NRXN3: variants seen among roughly 807,000 people sequenced by gnomAD.
The protein encoded by NRXN3 is neurexin III.
A neutral mutation model predicts 137.6 loss-of-function variants in NRXN3; 32 were observed. The observed-to-expected ratio is 0.23, with a 90% CI of 0.18 to 0.31. NRXN3 has a LOEUF of 0.31. Ranked by LOEUF, NRXN3 falls within the 10% of genes least tolerant of loss-of-function variation. The pLI is 1.00. For missense variants in NRXN3, 1,574 were observed against 2,062.5 expected, an observed-to-expected ratio of 0.76 and a Z score of 4.59; for synonymous variants, 798 against 784.5, an observed-to-expected ratio of 1.02 and a Z score of -0.29.
At chr14:79,205,732 C>A (rs948358626) in intron 15 of NRXN3, among the ~76,000 whole-genome samples, 13 of 152,142 alleles carry the variant, frequency 8.5e-5, no homozygotes, top group African/African-American at 2.9e-4. Flanking sequence ...TCCAGCAACA[C>A]CACCTCCTGG....
intron 16 of NRXN3, among the ~76,000 whole-genome samples, chr14:79,632,025 G>T (rs2098356891): frequency 6.6e-6 from 1 of 152,172 alleles, no homozygotes; most frequent in Admixed American, 6.5e-5. Flanking sequence ...TGAGCCAGCA[G>T]CGGCATCCTG....
At chr14:78,749,160 C>T (rs1251511579) in intron 8 of NRXN3, among the ~76,000 whole-genome samples, 3 of 152,172 alleles carry the variant, frequency 2.0e-5, no homozygotes, top group African/African-American at 2.4e-5. Flanking sequence ...ATGGGCTGAG[C>T]AGTGACTTCT....
Position 79,732,619 on chromosome 14 carries a change from T to TTAA in NRXN3, c.4014+34683_4014+34684insAAT, listed in dbSNP as rs1340270169. ...TTGCCTAGATTAAAAACTGGGTCTT[T>TTAA]TGTGAGGTTTCATTCATTATGGCCC... On this transcript the variant is annotated intron_variant, in intron 19 of 20. Transcript: ENST00000335750. Among the ~76,000 whole-genome samples the TTAA allele has an allele frequency of 5.2e-4, 79 of 152,348 alleles. No homozygotes were observed. The Middle Eastern group carries it at 0.014, about 26-fold the overall frequency.
intron 8 of NRXN3, among the ~76,000 whole-genome samples, chr14:78,783,019 T>C (rs2098775497): frequency 6.6e-6 from 1 of 152,180 alleles, no homozygotes; most frequent in Non-Finnish European, 1.5e-5. Context: ...GCAAGATCAC[T>C]GATGGATGCT....
At chr14:79,185,642 T>C (rs2063449645) in intron 15 of NRXN3, among the ~76,000 whole-genome samples, 1 of 151,976 alleles carries the variant, frequency 6.6e-6, no homozygotes. Context: ...ATTTTTTGTA[T>C]TTTTAGTAGA....
chr14:79,206,300 A>G (rs1427779219), intron 15 of NRXN3, among the ~76,000 whole-genome samples: 1 of 152,192 alleles, frequency 6.6e-6, no homozygotes, highest in Non-Finnish European at 1.5e-5. Flanking sequence ...GGAGGCAGGT[A>G]ATATTATATC....
chr14:79,194,717 C>A (rs1313856233), intron 15 of NRXN3, among the ~76,000 whole-genome samples: 3 of 152,166 alleles, frequency 2.0e-5, no homozygotes, highest in African/African-American at 7.2e-5. Context: ...ACACAAGAGA[C>A]AAATGAAATG....
intron 16 of NRXN3, among the ~76,000 whole-genome samples, chr14:79,616,684 G>C (rs2098160086): frequency 6.6e-6 from 1 of 152,110 alleles, no homozygotes. Context: ...AAAATAGAAT[G>C]AGTTAAGAGA....
chr14:79,517,932 G>T (rs2153698652), intron 16 of NRXN3, among the ~76,000 whole-genome samples: 1 of 103,372 alleles, frequency 9.7e-6, no homozygotes, highest in Non-Finnish European at 1.8e-5. Flanking sequence ...TTGAGACAGT[G>T]TCTCAGTTTG....
rs1383231222 is a variant in NRXN3 at position 79,203,991 on chromosome 14, A to T, written c.3262+215850A>T. ...CCACCAAAGCTTTTGAGCTACCATC[A>T]TGGCATCATGAAAGGCAGAGTTGGG... On this transcript the variant is annotated intron_variant, in intron 15 of 20. Transcript: ENST00000335750. Among the ~76,000 whole-genome samples, 5 of 152,184 alleles carry T rather than the reference A, an allele frequency of 3.3e-5. No homozygotes were observed. The East Asian group carries it at 9.7e-4, about 30-fold the overall frequency.
chr14:78,238,343 G>A (rs1420527130), intron 1 of NRXN3, among the ~76,000 whole-genome samples: 4 of 152,196 alleles, frequency 2.6e-5, no homozygotes, highest in African/African-American at 9.6e-5. Flanking sequence ...CCCGGGCCCT[G>A]CATGCAGGCT....
chr14:79,354,439 ATGAATTTTT>A (rs2093346426), intron 15 of NRXN3, among the ~76,000 whole-genome samples: 1 of 152,208 alleles, frequency 6.6e-6, no homozygotes, highest in Non-Finnish European at 1.5e-5. Context: ...GACTATTTTC[ATGAATTTTT>A]AGTCCATGAA....
intron 10 of NRXN3, among the ~76,000 whole-genome samples, chr14:78,837,833 G>T (rs760862301): frequency 5.9e-5 from 9 of 152,198 alleles, no homozygotes; most frequent in Non-Finnish European, 1.3e-4. Flanking sequence ...AAAACATATT[G>T]GTGTAGATGC....
intron 4 of NRXN3, among the ~76,000 whole-genome samples, chr14:78,605,671 C>T (rs2097244449): frequency 6.6e-6 from 1 of 151,834 alleles, no homozygotes; most frequent in South Asian, 2.1e-4. Context: ...CAAACAGAAG[C>T]CAGAAGTGCT....
intron 8 of NRXN3, among the ~76,000 whole-genome samples, chr14:78,772,034 G>A (rs2098729948): frequency 6.6e-6 from 1 of 152,080 alleles, no homozygotes; most frequent in South Asian, 2.1e-4. Context: ...TAGCTGGAAG[G>A]TAATTTTATA....
At chr14:79,601,088 C>T (rs221428) in intron 16 of NRXN3, among the ~76,000 whole-genome samples, 1 of 141,082 alleles carries the variant, frequency 7.1e-6, no homozygotes, top group East Asian at 2.1e-4. Flanking sequence ...TCTGTCACCA[C>T]GCTGGAGTGC....
chr14:79,073,883 C>T (rs1050862704), intron 15 of NRXN3, among the ~76,000 whole-genome samples: 1 of 152,138 alleles, frequency 6.6e-6, no homozygotes, highest in Non-Finnish European at 1.5e-5. Flanking sequence ...GGCTGAGTGA[C>T]CTTGGACACG....
chr14:78,486,958 A>G (rs2095569712), intron 4 of NRXN3, among the ~76,000 whole-genome samples: 1 of 152,174 alleles, frequency 6.6e-6, no homozygotes, highest in South Asian at 2.1e-4. Flanking sequence ...GGGCTTCCAA[A>G]GGAATTTACA....
chr14:78,865,510 A>G (rs999725420), intron 10 of NRXN3, among the ~76,000 whole-genome samples: 18 of 152,160 alleles, frequency 1.2e-4, no homozygotes, highest in African/African-American at 4.1e-4. Context: ...TTAAACTAGA[A>G]TTCTTAGAGT....
Sources: allele counts gnomAD v4.1 joint callset (sites outside exome capture counted in the v4.1 genomes callset), GRCh38; gene constraint gnomAD v4.1.1; transcripts MANE v1.5; gene names NCBI Gene and HGNC (gene_info 2026-07-23, HGNC 2026-07-21).